Variants in PDE1C observed in about 807,000 individuals in gnomAD.
PDE1C encodes phosphodiesterase 1C.
PDE1C carries 62 observed loss-of-function variants against 93.1 expected under a neutral mutation model. The ratio of observed to expected loss-of-function variants is 0.67; its 90% CI spans 0.54 to 0.82. The LOEUF is 0.82. PDE1C is among the 40% of genes least tolerant of loss of function. The pLI is 0.00. For synonymous variants in PDE1C, 325 were observed against 310.1 expected, an observed-to-expected ratio of 1.05 and a Z score of -0.50; for missense variants, 742 against 884.6, an observed-to-expected ratio of 0.84 and a Z score of 2.04.
intron 1 of PDE1C, among the ~76,000 whole-genome samples, chr7:32,354,407 A>G (rs76357195): frequency 0.014 from 2,078 of 152,246 alleles, 52 homozygotes; most frequent in African/African-American, 0.047. Flanking sequence ...CAAGAGAATC[A>G]CTTGAGGCCA....
At chr7:32,306,277 G>C (rs2010350) in intron 1 of PDE1C, among the ~76,000 whole-genome samples, 1 of 152,026 alleles carries the variant, frequency 6.6e-6, no homozygotes, top group Non-Finnish European at 1.5e-5. Context: ...TGGGTTCCTG[G>C]TCATAATACT....
At chr7:32,203,534 C>A (rs1049670382) in intron 2 of PDE1C, among the ~76,000 whole-genome samples, 23 of 152,290 alleles carry the variant, frequency 1.5e-4, no homozygotes, top group African/African-American at 5.5e-4. Flanking sequence ...TTGCTTCACT[C>A]CCCCATCCAC....
intron 2 of PDE1C, among the ~76,000 whole-genome samples, chr7:32,173,157 C>T (rs1428234045): frequency 6.6e-6 from 1 of 152,190 alleles, no homozygotes; most frequent in East Asian, 1.9e-4. Flanking sequence ...AGCATATATA[C>T]ACCATGGAAT....
intron 1 of PDE1C, among the ~76,000 whole-genome samples, chr7:32,359,219 C>T (rs910035805): frequency 2.6e-5 from 4 of 152,108 alleles, no homozygotes; most frequent in Admixed American, 6.5e-5. Context: ...CCTCCCTTTC[C>T]CCGAACCCTG....
chr7:31,617,698 G>C, the PDE1C span, among the ~76,000 whole-genome samples: 1 of 151,834 alleles, frequency 6.6e-6, no homozygotes, highest in African/African-American at 2.4e-5. Context: ...ATTTATATTA[G>C]TGCTCCCTCC....
chr7:32,112,087 C>A (rs144639204), intron 3 of PDE1C, among the ~76,000 whole-genome samples: 1 of 152,158 alleles, frequency 6.6e-6, no homozygotes, highest in Non-Finnish European at 1.5e-5. Flanking sequence ...CACTGAGAAT[C>A]ATAAGGGAAT....
chr7:32,264,842 G>A (rs1032929357), intron 1 of PDE1C, among the ~76,000 whole-genome samples: 3 of 152,168 alleles, frequency 2.0e-5, no homozygotes, highest in Non-Finnish European at 4.4e-5. Flanking sequence ...TTCTACTGAG[G>A]AGCCTCTTGC....
At chr7:32,067,132 T>C (rs574380803) in intron 1 of PDE1C, among the ~76,000 whole-genome samples, 7 of 152,252 alleles carry the variant, frequency 4.6e-5, no homozygotes, top group African/African-American at 1.7e-4. Flanking sequence ...CCAGCTAAGA[T>C]AGAGTGTTTA....
intron 2 of PDE1C, among the ~76,000 whole-genome samples, chr7:31,953,330 G>A (rs1264898913): frequency 1.3e-5 from 2 of 152,160 alleles, no homozygotes; most frequent in African/African-American, 4.8e-5. Flanking sequence ...GCTCCACTCT[G>A]AAGGCAGAGG....
At chr7:32,060,108 A>G (rs1794626011) in intron 1 of PDE1C, among the ~76,000 whole-genome samples, 1 of 152,238 alleles carries the variant, frequency 6.6e-6, no homozygotes, top group Non-Finnish European at 1.5e-5. Flanking sequence ...TCACAGATCT[A>G]TCCCTGTAAT....
At chr7:32,147,312 GAAAGAAAGAA>G (rs1563352934) in intron 3 of PDE1C, among the ~76,000 whole-genome samples, 9 of 145,532 alleles carry the variant, frequency 6.2e-5, no homozygotes, top group African/African-American at 2.5e-4. Flanking sequence ...AAGAAAGAAA[GAAAGAAAGAA>G]AGAAAGAAAG....
intron 11 of PDE1C, among the ~76,000 whole-genome samples, chr7:31,832,341 T>C (rs143604856): frequency 6.6e-6 from 1 of 152,352 alleles, no homozygotes; most frequent in African/African-American, 2.4e-5. Flanking sequence ...GAACTTATAC[T>C]TCTTTAAAGT....
At chr7:32,111,458 T>C (rs565037338) in intron 3 of PDE1C, among the ~76,000 whole-genome samples, 6 of 152,240 alleles carry the variant, frequency 3.9e-5, no homozygotes, top group Admixed American at 2.0e-4. Flanking sequence ...CATGAGATGG[T>C]GCAGGAAACA....
intron 2 of PDE1C, among the ~76,000 whole-genome samples, chr7:32,192,159 G>A (rs1804279857): frequency 6.6e-6 from 1 of 151,966 alleles, no homozygotes; most frequent in Non-Finnish European, 1.5e-5. Flanking sequence ...ATCCCACCTT[G>A]TAGAATGTCT....
chr7:31,667,228 C>A, the PDE1C span, among the ~76,000 whole-genome samples: 1 of 152,098 alleles, frequency 6.6e-6, no homozygotes. Context: ...TTGTGATTGA[C>A]TAGGTTCAGG....
chr7:31,675,236 AT>A, the PDE1C span, among the ~76,000 whole-genome samples: 1 of 152,154 alleles, frequency 6.6e-6, no homozygotes, highest in Admixed American at 6.5e-5. Flanking sequence ...TAGCTATTGA[AT>A]TCAAGGTACA....
chr7:31,652,930 A>C, the PDE1C span: 1 of 1,518,384 alleles, frequency 6.6e-7, no homozygotes, highest in Non-Finnish European at 8.8e-7. Context: ...CTGCCAACCC[A>C]TTGTCAGCTA....
intron 16 of PDE1C, among the ~76,000 whole-genome samples, chr7:31,779,933 G>C (rs1783279938): frequency 6.6e-6 from 1 of 152,140 alleles, no homozygotes; most frequent in African/African-American, 2.4e-5. Context: ...AAACCAGGTG[G>C]GAACAGCCAG....
At chr7:32,289,919 T>C (rs1482141223) in intron 1 of PDE1C, among the ~76,000 whole-genome samples, 2 of 152,162 alleles carry the variant, frequency 1.3e-5, no homozygotes, top group Admixed American at 1.3e-4. Context: ...ATTCCTGCAA[T>C]GTGGTTTCTT....
Sources: allele counts gnomAD v4.1 joint callset (sites outside exome capture counted in the v4.1 genomes callset), GRCh38; gene constraint gnomAD v4.1.1; transcripts MANE v1.5; gene names NCBI Gene and HGNC (gene_info 2026-07-23, HGNC 2026-07-21).